Variants in NHSL1 observed in about 807,000 individuals in gnomAD.
NHSL1 encodes NHS like 1.
A neutral mutation model predicts 95.0 loss-of-function variants in NHSL1; 48 were observed. That is an observed-to-expected ratio of 0.51 (90% CI 0.40 to 0.64). NHSL1 has a LOEUF of 0.64. NHSL1 is among the 30% of genes least tolerant of loss of function. The pLI is 0.00. For synonymous variants in NHSL1, 783 were observed against 833.9 expected, an observed-to-expected ratio of 0.94 and a Z score of 1.05; for missense variants, 1,971 against 2,077.7, an observed-to-expected ratio of 0.95 and a Z score of 1.00.
chr6:138,524,353 C>A (rs945121430), intron 1 of NHSL1, among the ~76,000 whole-genome samples: 1 of 152,158 alleles, frequency 6.6e-6, no homozygotes, highest in East Asian at 1.9e-4. Flanking sequence ...GAGATCATTA[C>A]CAGCTCCCAA....
intron 1 of NHSL1, among the ~76,000 whole-genome samples, chr6:138,665,209 T>A (rs1364931852): frequency 6.6e-6 from 1 of 152,176 alleles, no homozygotes; most frequent in African/African-American, 2.4e-5. Flanking sequence ...TGCTGTGTCA[T>A]AATACAGATC....
upstream of NHSL1, among the ~76,000 whole-genome samples, chr6:138,503,754 T>C (rs1481169168): frequency 3.3e-5 from 5 of 152,204 alleles, no homozygotes; most frequent in African/African-American, 1.2e-4. Flanking sequence ...TTGTCTGCCC[T>C]CAGTTCCATT....
upstream of NHSL1, among the ~76,000 whole-genome samples, chr6:138,503,264 T>C (rs1780782604): frequency 6.6e-6 from 1 of 152,190 alleles, no homozygotes. Flanking sequence ...CTGCATATGA[T>C]GGCTCCTTCT....
At chr6:138,466,041 T>TGCGGG (rs372536926) in intron 3 of NHSL1, among the ~76,000 whole-genome samples, 1 of 125,608 alleles carries the variant, frequency 8.0e-6, no homozygotes, top group African/African-American at 2.9e-5. Flanking sequence ...CACTCCTTTT[T>TGCGGG]GGGGGGGGGG....
In NHSL1 at chr6:138,636,510, G is replaced by GA. The variant is rs1784890784; in HGVS notation, c.96+55965dup. ...TGCAGATTATAGAATCTTATATTCA[G>GA]AAAAAACTGAAGACCATCAAAAAAC... On this transcript the variant is annotated intron_variant, in intron 1 of 3. Coordinates refer to the NHSL1 transcript ENST00000491526. Among the ~76,000 whole-genome samples the GA allele has an allele frequency of 2.0e-5, 3 of 152,184 alleles. No individual in the cohort carries two copies. The South Asian group carries it at 6.2e-4, about 32-fold the overall frequency.
At chr6:138,682,791 A>G in intron 1 of NHSL1, among the ~76,000 whole-genome samples, 1 of 152,088 alleles carries the variant, frequency 6.6e-6, no homozygotes, top group Non-Finnish European at 1.5e-5. Context: ...GCGCTGACTC[A>G]GAATCTCCAG....
intron 1 of NHSL1, among the ~76,000 whole-genome samples, chr6:138,565,568 C>T (rs867677465): frequency 6.6e-6 from 1 of 151,978 alleles, no homozygotes; most frequent in South Asian, 2.1e-4. Context: ...CATCTAGGTG[C>T]AAATACAGCA....
chr6:138,668,616 A>AT (rs940527753), intron 1 of NHSL1, among the ~76,000 whole-genome samples: 4 of 149,396 alleles, frequency 2.7e-5, no homozygotes, highest in Middle Eastern at 3.2e-3. Context: ...AAAACAAGAA[A>AT]TTTTTTTTTC....
At chr6:138,514,154 T>A (rs1781357165) in intron 1 of NHSL1, among the ~76,000 whole-genome samples, 2 of 151,788 alleles carry the variant, frequency 1.3e-5, no homozygotes, top group Admixed American at 1.3e-4. Flanking sequence ...CTGTCTCTAC[T>A]AAAAATAACA....
intron 1 of NHSL1, among the ~76,000 whole-genome samples, chr6:138,600,184 C>T (rs1200144811): frequency 1.3e-5 from 2 of 152,074 alleles, no homozygotes; most frequent in African/African-American, 4.8e-5. Context: ...TGAAGCAACA[C>T]AGAGGTATTT....
In NHSL1 at chr6:138,430,046, T is replaced by C. The variant is rs1352375644; in HGVS notation, c.3953-203A>G. The stretch of plus-strand genomic sequence containing the variant: ...AGCCAGAGCTCATTCTTTGTTAAAG[T>C]ATGGAACGCCCATGGCATCTCTCTT... On this transcript the variant is annotated intron_variant, in intron 6 of 7. Transcript: ENST00000343505. The surrounding 1 kb of genome is among the most constrained non-coding windows in gnomAD (Gnocchi z 4.7). Among the ~76,000 whole-genome samples, 1 of 152,202 alleles carries C rather than the reference T, an allele frequency of 6.6e-6. No homozygotes were observed. The highest frequency in any genetic ancestry group is 1.9e-4 in the East Asian group (1 of 5,196).
chr6:138,454,539 G>A (rs895403927), intron 3 of NHSL1, among the ~76,000 whole-genome samples: 15 of 152,094 alleles, frequency 9.9e-5, no homozygotes, highest in African/African-American at 2.9e-4. Context: ...CGTAAGTCTA[G>A]GTTTAAATCC....
At chr6:138,564,756 C>T (rs975471808) in intron 1 of NHSL1, among the ~76,000 whole-genome samples, 5 of 151,816 alleles carry the variant, frequency 3.3e-5, no homozygotes, top group African/African-American at 9.7e-5. Context: ...ATGATAAACA[C>T]GATTAGAGAG....
At chr6:138,453,221 C>T (rs1192240814) in intron 3 of NHSL1, among the ~76,000 whole-genome samples, 6 of 152,078 alleles carry the variant, frequency 3.9e-5, no homozygotes, top group East Asian at 1.9e-4. Flanking sequence ...GTAATCCGCC[C>T]GCCTCAGCCT....
chr6:138,563,709 G>A (rs1201474853), intron 1 of NHSL1, among the ~76,000 whole-genome samples: 8 of 152,166 alleles, frequency 5.3e-5, no homozygotes, highest in African/African-American at 7.2e-5. Flanking sequence ...AGAGAGTGAG[G>A]AGGAAGCACA....
intron 5 of NHSL1, among the ~76,000 whole-genome samples, chr6:138,437,359 CATATAT>C (rs374814827): frequency 0.013 from 273 of 20,976 alleles, 10 homozygotes; most frequent in East Asian, 0.082. Context: ...TATATATACA[CATATAT>C]ATATATACAC....
intron 1 of NHSL1, among the ~76,000 whole-genome samples, chr6:138,631,702 C>G (rs1344305444): frequency 6.6e-6 from 1 of 151,872 alleles, no homozygotes; most frequent in African/African-American, 2.4e-5. Context: ...CCCTAAACAA[C>G]CAGCAGCTAT....
chr6:138,671,155 T>TA (rs1785363011), intron 1 of NHSL1, among the ~76,000 whole-genome samples: 1 of 151,338 alleles, frequency 6.6e-6, no homozygotes, highest in African/African-American at 2.4e-5. Context: ...ATTCTATCTC[T>TA]AAAAAATAAA....
At chr6:138,542,994 C>A (rs1316641415) in intron 1 of NHSL1, among the ~76,000 whole-genome samples, 2 of 152,152 alleles carry the variant, frequency 1.3e-5, no homozygotes, top group Non-Finnish European at 2.9e-5. Flanking sequence ...GAACTCAGGG[C>A]CTCAAGTGAT....
Sources: allele counts gnomAD v4.1 joint callset (sites outside exome capture counted in the v4.1 genomes callset), GRCh38; gene constraint gnomAD v4.1.1; non-coding constraint Gnocchi (gnomAD v3.1); transcripts MANE v1.5; gene names NCBI Gene and HGNC (gene_info 2026-07-23, HGNC 2026-07-21).